Variants in IQCE observed in about 807,000 individuals in gnomAD.
IQCE encodes the protein IQ motif containing E.
In IQCE, 115 loss-of-function variants were observed where a neutral mutation model predicts 96.0. That is an observed-to-expected ratio of 1.20 (90% confidence interval 1.03 to 1.40). IQCE has a LOEUF of 1.40. IQCE is among the 40% of genes most tolerant of loss of function. The probability of loss-of-function intolerance (pLI) is 0.00; values close to 1 mark genes in which losing one functional copy is unlikely to be tolerated. For missense variants in IQCE, 1,041 were observed against 909.1 expected, an observed-to-expected ratio of 1.15 and a Z score of -1.87; for synonymous variants, 412 against 371.2, an observed-to-expected ratio of 1.11 and a Z score of -1.26.
chr7:2,562,468 T>C (rs200998102), intron 1 of IQCE, among the ~76,000 whole-genome samples: 2 of 152,128 alleles, frequency 1.3e-5, no homozygotes, highest in East Asian at 3.8e-4. Context: ...CCTTCTTTTC[T>C]GTTTTTTAGA....
At chr7:2,585,688 T>C (rs1347559702) in intron 11 of IQCE, among the ~76,000 whole-genome samples, 2 of 152,244 alleles carry the variant, frequency 1.3e-5, no homozygotes, top group East Asian at 3.8e-4. Context: ...CAGCCCCAGC[T>C]GGGAACGTGC....
At chr7:2,575,421 T>C (rs958251488) in intron 6 of IQCE, among the ~76,000 whole-genome samples, 1 of 152,242 alleles carries the variant, frequency 6.6e-6, no homozygotes, top group African/African-American at 2.4e-5. Flanking sequence ...CCGCCCTAGC[T>C]GGGAGGGAAG....
At position 2,583,321 on chromosome 7, in the gene IQCE, C is replaced by T. The variant is rs145125388; in HGVS notation, c.702-316C>T. ...TCCTTTCTAAGCTCCAAGGCCTTTC[C>T]GCACCATTAATCTAGTCTTTTAAAG... is the stretch of plus-strand genomic sequence containing the variant. On this transcript the variant is annotated intron_variant, in intron 9 of 21. Coordinates refer to ENST00000402050, the MANE Select transcript of IQCE (RefSeq NM_152558.5). Among the ~76,000 whole-genome samples the T allele has an allele frequency of 5.4e-3, 816 of 152,268 alleles. 10 individuals carry two copies. Among genetic ancestry groups the T allele is most frequent in the African/African-American group, 0.019 (780 of 41,554 alleles).
rs780284226 is a variant in IQCE, at chr7:2,607,219, C to G, written c.1961C>G (p.Ala654Gly). The G allele has an allele frequency of 6.2e-7, 1 of 1,613,898 alleles. No homozygotes were observed. Among genetic ancestry groups the G allele is most frequent in the Non-Finnish European group, 8.5e-7 (1 of 1,179,878 alleles). The change falls in exon 21 of 22, where the codon GCT (alanine) becomes GGT (glycine). Residue 654 changes from alanine (A) to glycine (G), a missense_variant. By Grantham distance (60) the Ala-to-Gly change is moderately conservative (BLOSUM62 0). Transcript: ENST00000402050. ...GCCTCCTCCCCACCCTTCCTCGCAG[C>G]TCTTCCTGGTAATTTCATTCATTTG... is the stretch of plus-strand genomic sequence containing the variant. The part of the protein sequence containing the change: ...GDASSPPFLA[A>G]LPDPSPSGPQ...
intron 12 of IQCE, 88 bp from the exon 13 acceptor site, chr7:2,587,734 A>G (rs1783233455): frequency 7.6e-7 from 1 of 1,312,564 alleles, no homozygotes; most frequent in Admixed American, 1.7e-5. Context: ...CGGCTGCGGA[A>G]GAGGAGCCTC....
chr7:2,584,099 C>T (rs1213208334), intron 10 of IQCE, 137 bp from the exon 11 acceptor site: 27 of 792,374 alleles, frequency 3.4e-5, no homozygotes, highest in African/African-American at 1.7e-4. Flanking sequence ...TTCAGCCCAA[C>T]GGAAAGATGA....
At chr7:2,607,526 T>C in intron 21 of IQCE, 2 of 1,290,390 alleles carry the variant, frequency 1.5e-6, no homozygotes, top group South Asian at 2.6e-5. Flanking sequence ...TTTCTCCTGT[T>C]TGTTTGTTGA....
At position 2,584,219 on chromosome 7, in the gene IQCE, CA is replaced by C. The variant is rs767644779; in HGVS notation, c.775-15del. 6.2e-5 allele frequency: 100 copies of C among 1,611,554 alleles called. No homozygotes were observed. The highest frequency in any genetic ancestry group is 3.3e-4 in the Middle Eastern group (2 of 6,082). On this transcript the variant is annotated splice_polypyrimidine_tract_variant and intron_variant, in intron 10 of 21. Coordinates refer to ENST00000402050, the MANE Select transcript of IQCE (RefSeq NM_152558.5). Reference sequence around the variant, plus strand: ...GCTAGCCTTGTGTTTTCATGCATTTCAATTTGGTATTTACAGGTGCATCGTC... The same window carrying C: ...GCTAGCCTTGTGTTTTCATGCATTTCATTTGGTATTTACAGGTGCATCGTC...
intron 4 of IQCE, 46 bp downstream of exon 4, chr7:2,571,700 T>C (rs758703491): frequency 1.3e-6 from 2 of 1,564,788 alleles, no homozygotes; most frequent in East Asian, 4.5e-5. Context: ...GAGAGAAGAG[T>C]TCGAGAAATT....
At chr7:2,603,172 A>G (rs962294802) in intron 18 of IQCE, among the ~76,000 whole-genome samples, 1 of 151,902 alleles carries the variant, frequency 6.6e-6, no homozygotes, top group Non-Finnish European at 1.5e-5. Context: ...CCTCATCCCG[A>G]GGTCTCCAGC....
chr7:2,574,002 A>G (rs1005000477), intron 6 of IQCE, among the ~76,000 whole-genome samples: 1 of 152,174 alleles, frequency 6.6e-6, no homozygotes. Flanking sequence ...TAGCAGAACC[A>G]AGATTCAAGG....
At chr7:2,591,280 G>A (rs1275763776) in intron 14 of IQCE, among the ~76,000 whole-genome samples, 1 of 151,972 alleles carries the variant, frequency 6.6e-6, no homozygotes, top group Non-Finnish European at 1.5e-5. Flanking sequence ...AGACATAAAT[G>A]CTATGAAATA....
In IQCE at chr7:2,559,067, C is replaced by A. The variant is rs997492309; in HGVS notation, c.-115C>A. On this transcript the variant is annotated 5_prime_UTR_variant, in exon 1 of 22. Transcript: ENST00000402050. ...CCTGGTTGCCATGGCAGCGGGGTCG[C>A]GGGCCGGCGCCAGGGAAGGCCCCGA... 1.8e-6 allele frequency: 1 copy of A among 547,432 alleles called. No homozygotes were observed. 33.9% of individuals were successfully genotyped at this position (547,432 alleles called of 1,614,324 possible).
intron 6 of IQCE, among the ~76,000 whole-genome samples, chr7:2,577,844 T>G (rs1242075136): frequency 6.9e-4 from 68 of 99,268 alleles, no homozygotes; most frequent in East Asian, 1.3e-3. Flanking sequence ...CGTGCGCGCA[T>G]TGGCGTGTGC....
At position 2,571,655 on chromosome 7, in the gene IQCE, G is replaced by T. The variant is rs768696760; in HGVS notation, c.259+1G>T. ...CTGTGGCTGGGAACCGCAAAGCCAG[G>T]TATGTGGTTGTCGCACTGGAGACCC... On this transcript the variant is annotated splice_donor_variant, in intron 4 of 21. Transcript: ENST00000402050. LOFTEE classifies it high-confidence loss of function. 6 of 1,598,782 alleles carry T rather than the reference G, an allele frequency of 3.8e-6. No individual in the cohort carries two copies. The highest frequency in any genetic ancestry group is 5.1e-6 in the Non-Finnish European group (6 of 1,179,516).
chr7:2,572,959 G>T, intron 5 of IQCE: 1 of 331,436 alleles, frequency 3.0e-6, no homozygotes. Flanking sequence ...GCTTTTACTG[G>T]TTGGGAGTTA....
chr7:2,609,901 G>T, intron 21 of IQCE, 143 bp from the exon 22 acceptor site: 1 of 617,646 alleles, frequency 1.6e-6, no homozygotes, highest in South Asian at 1.9e-5. Context: ...GCTCCTGAGG[G>T]CCTGTGTGCC....
In IQCE at chr7:2,611,805, TTTTC is replaced by T. The variant is rs1258437515; in HGVS notation, c.*1644_*1647del. 6.6e-6 allele frequency: 1 copy of T among 152,226 alleles called. No homozygotes were observed. The highest frequency in any genetic ancestry group is 2.4e-5 in the African/African-American group (1 of 41,442). 9.4% of individuals were successfully genotyped at this position (152,226 alleles called of 1,614,324 possible). On this transcript the variant is annotated 3_prime_UTR_variant, in exon 22 of 22. Coordinates refer to ENST00000402050, the MANE Select transcript of IQCE (RefSeq NM_152558.5). ...GCGGGGGGCCTGGCTTGTGTACGTG[TTTTC>T]CTTATTTGGTCTGTGGGTTGCCAAG... is the stretch of plus-strand genomic sequence containing the variant.
intron 8 of IQCE, 134 bp downstream of exon 8, chr7:2,578,660 C>G: frequency 1.1e-6 from 1 of 916,908 alleles, no homozygotes; most frequent in Non-Finnish European, 1.7e-6. Flanking sequence ...GACCCCCAAA[C>G]CCTTCTCCAC....
Sources: gnomAD v4.1 joint callset for allele counts (sites outside exome capture counted in the v4.1 genomes callset) on GRCh38, gnomAD v4.1.1 for gene constraint, MANE v1.5 for transcripts, NCBI Gene and HGNC (gene_info 2026-07-23, HGNC 2026-07-21) for gene names.